ZC3H4: variants seen among roughly 807,000 people sequenced by gnomAD.
ZC3H4 encodes the protein zinc finger CCCH-type containing 4.
ZC3H4 carries 13 observed loss-of-function variants against 108.3 expected under a neutral mutation model. The ratio of observed to expected loss-of-function variants is 0.12; its 90% CI spans 0.08 to 0.19. The LOEUF is 0.19. Among genes scored for constraint, ZC3H4 ranks in the 10% least tolerant of loss-of-function variants. The pLI is 1.00. For missense variants in ZC3H4, 1,734 were observed against 1,838.8 expected (o/e 0.94, Z 1.04); for synonymous variants, 917 against 749.6 (o/e 1.22, Z -3.65).
intron 2 of ZC3H4, among the ~76,000 whole-genome samples, chr19:47,099,592 A>G (rs930012500): frequency 6.6e-6 from 1 of 152,140 alleles, no homozygotes; most frequent in African/African-American, 2.4e-5. Context: ...CCTGCTGACA[A>G]AACTGACAAA....
Position 47,071,831 on chromosome 19 carries a change from A to C in ZC3H4, c.2093T>G (p.Phe698Cys). 1 of 1,613,658 alleles carries C rather than the reference A, an allele frequency of 6.2e-7. No homozygotes were observed. Among genetic ancestry groups the C allele is most frequent in the Non-Finnish European group, 8.5e-7 (1 of 1,179,902 alleles). ...IPPAQNFYENFYQQQEGMEME... is the reference protein window; with the variant it reads ...IPPAQNFYENCYQQQEGMEME... ...CTCCATGCCCTCCTGCTGCTGGTAG[A>C]AGTTTTCATAGAAGTTCTGGGCTGG... The change falls in exon 13 of 15, where the codon TTC (phenylalanine) becomes TGC (cysteine). Residue 698 changes from phenylalanine to cysteine, a missense_variant. This residue lies in a region of ZC3H4 where 540 missense variants were observed against 484.1 expected (regional missense o/e 1.12). Coordinates refer to ENST00000253048, the MANE Select transcript of ZC3H4 (RefSeq NM_015168.2).
intron 1 of ZC3H4, chr19:47,113,222 G>T (rs2058063583): frequency 6.5e-6 from 1 of 153,164 alleles, no homozygotes; most frequent in Admixed American, 6.5e-5. Flanking sequence ...CAGGAGAGGG[G>T]TAGAGACCGC....
intron 10 of ZC3H4, among the ~76,000 whole-genome samples, 180 bp downstream of exon 10, chr19:47,082,004 G>A (rs1205933522): frequency 6.6e-6 from 1 of 152,150 alleles, no homozygotes; most frequent in African/African-American, 2.4e-5. Flanking sequence ...CTCCCTGGAA[G>A]GATGGGAAAG....
chr19:47,085,508 AC>A, intron 6 of ZC3H4, 94 bp from the exon 7 acceptor site: 1 of 1,175,804 alleles, frequency 8.5e-7, no homozygotes, highest in Non-Finnish European at 1.2e-6. Context: ...AAGGATGGTG[AC>A]CATCCAGGGG....
chr19:47,111,034 G>A (rs1229818975), intron 2 of ZC3H4: 4 of 531,124 alleles, frequency 7.5e-6, no homozygotes, highest in Non-Finnish European at 9.6e-6. Flanking sequence ...GGGAAGCCCT[G>A]GCTGAGACCC....
In ZC3H4 at chr19:47,085,110, C is replaced by A. The variant is rs765147075; in HGVS notation, c.1053G>T (p.Gly351=). The part of the protein sequence containing the change: ...RGRGRGGSRG[G]MNKGGMNDDE... ...CATCGTTCATTCCGCCCTTGTTCATCCCTCCTCGGCTGCCACCTCGGCCTC... is the reference window on the plus strand; with the variant it reads ...CATCGTTCATTCCGCCCTTGTTCATACCTCCTCGGCTGCCACCTCGGCCTC... Residue 351 remains glycine (G), a synonymous_variant, in exon 8 of 15, where the codon GGG becomes GGT. Transcript: ENST00000253048. 1.7e-5 allele frequency: 27 copies of A among 1,614,140 alleles called. No individual in the cohort carries two copies. Among genetic ancestry groups the A allele is most frequent in the Middle Eastern group, 1.6e-4 (1 of 6,084 alleles).
chr19:47,086,626 A>C, intron 5 of ZC3H4, 88 bp from the exon 6 acceptor site: 1 of 1,468,772 alleles, frequency 6.8e-7, no homozygotes, highest in Non-Finnish European at 8.9e-7. Context: ...TCCTGAGGTC[A>C]ATCACTTCAG....
At position 47,066,656 on chromosome 19, in the gene ZC3H4, G is replaced by C; in HGVS notation, c.3612C>G (p.Ala1204=). 1.9e-6 allele frequency: 3 copies of C among 1,611,790 alleles called. No individual in the cohort carries two copies. The highest frequency in any genetic ancestry group is 1.7e-4 in the Middle Eastern group (1 of 6,052). ...SALEQPETGK[A]GADGGTPTDR... is the part of the protein sequence containing the mutation. The stretch of plus-strand genomic sequence containing the variant: ...CCGTGGGGGTGCCCCCATCAGCACC[G>C]GCCTTCCCTGTCTCTGGCTGTTCCA... The change falls in exon 15 of 15, where the codon GCC becomes GCG. Residue 1204 remains alanine (A), a synonymous_variant. Coordinates refer to ENST00000253048, the MANE Select transcript of ZC3H4 (RefSeq NM_015168.2).
At position 47,072,178 on chromosome 19, in the gene ZC3H4, C is replaced by A; in HGVS notation, c.1803-57G>T. On this transcript the variant is annotated intron_variant, in intron 12 of 14. Coordinates refer to ENST00000253048, the MANE Select transcript of ZC3H4 (RefSeq NM_015168.2). This position sits in a 1 kb window ranked among gnomAD's most constrained non-coding sequence, Gnocchi z 5.6. Reference sequence around the variant, plus strand: ...GCTGCCGAGGAGGGCAGTGGCCACACCCCAGAGGAGAGGCGGAGGGCTGCA... The same window carrying A: ...GCTGCCGAGGAGGGCAGTGGCCACAACCCAGAGGAGAGGCGGAGGGCTGCA... 2.1e-6 allele frequency: 3 copies of A among 1,458,668 alleles called. No homozygotes were observed. Among genetic ancestry groups the A allele is most frequent in the East Asian group, 2.5e-5 (1 of 40,660 alleles). 90.4% of individuals were successfully genotyped at this position (1,458,668 alleles called of 1,614,324 possible).
chr19:47,072,559 G>A lies in ZC3H4; in HGVS notation c.1595C>T (p.Pro532Leu), dbSNP rs2057350302. The change falls in exon 12 of 15, where the codon CCC (proline) becomes CTC (leucine). Residue 532 changes from proline to leucine, a missense_variant. Physicochemically the swap from Pro to Leu is moderately conservative, Grantham distance 98. Around this residue, in one of 9 missense-constraint regions of ZC3H4, gnomAD observed 75 missense variants for 85.8 expected, o/e 0.87. Coordinates refer to ENST00000253048, the MANE Select transcript of ZC3H4 (RefSeq NM_015168.2). The surrounding 1 kb of genome is among the most constrained non-coding windows in gnomAD (Gnocchi z 5.6). ...GCCACCCTGCATGGGCCTGCCGTTG[G>A]GAGAGGTTGGAGCCTGCGGGCCAGG... ...RPPGPQAPTSPNGRPMQGGPP... is the reference protein window; with the variant it reads ...RPPGPQAPTSLNGRPMQGGPP... 6.4e-7 allele frequency: 1 copy of A among 1,551,442 alleles called. No individual in the cohort carries two copies. Among genetic ancestry groups the A allele is most frequent in the South Asian group, 1.2e-5 (1 of 84,822 alleles).
chr19:47,077,121 C>G (rs2057435640), intron 11 of ZC3H4, among the ~76,000 whole-genome samples: 1 of 150,262 alleles, frequency 6.7e-6, no homozygotes. Context: ...CACTGCACTA[C>G]TGCACTCCAG....
At chr19:47,084,720 C>G (rs1319923565) in intron 8 of ZC3H4, among the ~76,000 whole-genome samples, 1 of 152,222 alleles carries the variant, frequency 6.6e-6, no homozygotes, top group Non-Finnish European at 1.5e-5. Context: ...TGTGCAGGAA[C>G]ACGTCCACCA....
intron 11 of ZC3H4, among the ~76,000 whole-genome samples, chr19:47,073,658 A>C (rs2057367919): frequency 6.6e-6 from 1 of 152,204 alleles, no homozygotes; most frequent in Admixed American, 6.5e-5. Context: ...ATATAGTTCC[A>C]GCACATTTTC....
Position 47,067,484 on chromosome 19 carries a change from C to T in ZC3H4, c.2784G>A (p.Gly928=), listed in dbSNP as rs918952009. The change falls in exon 15 of 15, where the codon GGG becomes GGA. Residue 928 remains glycine, a synonymous_variant. Transcript: ENST00000253048. This position sits in a 1 kb window ranked among gnomAD's most constrained non-coding sequence, Gnocchi z 6.4. Reference sequence around the variant, plus strand: ...CGGCCTTCTCCCGCAGGGCCCGCTCCCCTTCCTCCTCCTCCGTTGGGGGCG... The same window carrying T: ...CGGCCTTCTCCCGCAGGGCCCGCTCTCCTTCCTCCTCCTCCGTTGGGGGCG... The part of the protein sequence containing the change: ...SGPPPTEEEE[G]ERALREKAVN... The T allele has an allele frequency of 2.5e-6, 4 of 1,582,070 alleles. No homozygotes were observed. In the African/African-American group the frequency reaches 4.0e-5, roughly 16 times the overall value.
intron 2 of ZC3H4, among the ~76,000 whole-genome samples, chr19:47,099,275 C>T (rs1239709352): frequency 6.6e-6 from 1 of 152,070 alleles, no homozygotes; most frequent in Non-Finnish European, 1.5e-5. Context: ...GCCTGACCAA[C>T]ATGGAGAAAC....
chr19:47,092,098 G>T (rs973859221), intron 4 of ZC3H4, among the ~76,000 whole-genome samples: 1 of 151,764 alleles, frequency 6.6e-6, no homozygotes, highest in African/African-American at 2.4e-5. Context: ...CAGCTACTTA[G>T]GAGGCTGAGG....
At position 47,072,306 on chromosome 19, in the gene ZC3H4, C is replaced by A; in HGVS notation, c.1802+46G>T. ...CCCTAACAAGAGGAGCCTGGCTGGG[C>A]CCAGGACAGCGCCCACTGCCTGTCA... On this transcript the variant is annotated intron_variant, in intron 12 of 14. Coordinates refer to ENST00000253048, the MANE Select transcript of ZC3H4 (RefSeq NM_015168.2). The surrounding 1 kb of genome is among the most constrained non-coding windows in gnomAD (Gnocchi z 5.6). The A allele has an allele frequency of 6.3e-7, 1 of 1,583,206 alleles. No homozygotes were observed.
intron 5 of ZC3H4, among the ~76,000 whole-genome samples, chr19:47,087,604 C>T (rs893132767): frequency 4.6e-5 from 7 of 151,888 alleles, no homozygotes; most frequent in East Asian, 1.9e-4. Context: ...TTAGGCCAGG[C>T]GCAGTGGTTC....
intron 11 of ZC3H4, among the ~76,000 whole-genome samples, chr19:47,073,983 G>A (rs1426174970): frequency 1.3e-5 from 2 of 152,118 alleles, no homozygotes; most frequent in African/African-American, 4.8e-5. Context: ...AGGGGTGGGT[G>A]TCTGGGTGTC....
Sources: allele counts gnomAD v4.1 joint callset (sites outside exome capture counted in the v4.1 genomes callset), GRCh38; gene constraint gnomAD v4.1.1; regional missense constraint gnomAD v4.1.1; non-coding constraint Gnocchi (gnomAD v3.1); transcripts MANE v1.5; gene names NCBI Gene and HGNC (gene_info 2026-07-23, HGNC 2026-07-21).